Variants in TRAK2 observed in about 807,000 individuals in gnomAD.
TRAK2 encodes the protein trafficking kinesin protein 2.
A neutral mutation model predicts 104.6 loss-of-function variants in TRAK2; 81 were observed. The observed-to-expected ratio is 0.77, with a 90% CI of 0.65 to 0.93. TRAK2 has a LOEUF of 0.93. TRAK2 is among the 40% of genes least tolerant of loss of function. The pLI is 0.00. For synonymous variants in TRAK2, 406 were observed against 394.4 expected, an observed-to-expected ratio of 1.03 and a Z score of -0.35; for missense variants, 1,002 against 1,089.0, an observed-to-expected ratio of 0.92 and a Z score of 1.12.
At chr2:201,426,482 G>A (rs761171840) in intron 1 of TRAK2, among the ~76,000 whole-genome samples, 2 of 152,144 alleles carry the variant, frequency 1.3e-5, no homozygotes, top group Non-Finnish European at 2.9e-5. Flanking sequence ...AATGTAAAGC[G>A]CTTGAATCAT....
intron 2 of TRAK2, among the ~76,000 whole-genome samples, chr2:201,414,622 C>T (rs1257297509): frequency 6.6e-6 from 1 of 152,102 alleles, no homozygotes; most frequent in Non-Finnish European, 1.5e-5. Flanking sequence ...GATTTAAAAC[C>T]TTAAATATGG....
chr2:201,391,394 G>A (rs1951447047), intron 10 of TRAK2, among the ~76,000 whole-genome samples: 1 of 152,158 alleles, frequency 6.6e-6, no homozygotes, highest in Non-Finnish European at 1.5e-5. Flanking sequence ...ATTAATAAAT[G>A]TTGAAAAATG....
chr2:201,423,368 T>C (rs141203858), intron 1 of TRAK2: 2 of 152,170 alleles, frequency 1.3e-5, no homozygotes, highest in South Asian at 4.1e-4. Context: ...CATGATTCCA[T>C]TTATATAAAA....
Position 201,420,414 on chromosome 2 carries a change from T to TA in TRAK2, c.91+2dup. 2 of 1,613,022 alleles carry TA rather than the reference T, an allele frequency of 1.2e-6. No individual in the cohort carries two copies. The highest frequency in any genetic ancestry group is 1.7e-6 in the Non-Finnish European group (2 of 1,179,110). On this transcript the variant is annotated splice_region_variant and intron_variant, in intron 2 of 15. Transcript: ENST00000332624. ...ACTTCAATATTTATTAAACTGGACT[T>TA]ACCAGTGATGCTCTCCGAGTCTCTG...
At chr2:201,444,975 C>CT (rs34447253) in intron 1 of TRAK2, among the ~76,000 whole-genome samples, 1 of 152,138 alleles carries the variant, frequency 6.6e-6, no homozygotes, top group East Asian at 1.9e-4. Context: ...TCATTCCTTC[C>CT]TTTTTTGTGA....
At chr2:201,395,716 TTTTC>T (rs977204876) in intron 7 of TRAK2, among the ~76,000 whole-genome samples, 2 of 152,188 alleles carry the variant, frequency 1.3e-5, no homozygotes, top group African/African-American at 4.8e-5. Flanking sequence ...GCTTCAATCG[TTTTC>T]TTTATGAAAA....
chr2:201,395,781 G>A (rs568664530), intron 7 of TRAK2, among the ~76,000 whole-genome samples: 21 of 152,172 alleles, frequency 1.4e-4, no homozygotes, highest in African/African-American at 4.1e-4. Context: ...CTGAAAGGAG[G>A]GCAAGTGCAA....
At position 201,387,976 on chromosome 2, in the gene TRAK2, C is replaced by G; in HGVS notation, c.1423G>C (p.Gly475Arg). 1 of 1,614,094 alleles carries G rather than the reference C, an allele frequency of 6.2e-7. No homozygotes were observed. ...AGSSQKMGQP[G>R]PSGDSDLATA... ...GCCAAATCACTATCTCCTGAGGGTC[C>G]TGGTTGGCCCATCTTCTGGGAGCTC... Residue 475 changes from glycine (G) to arginine (R), a missense_variant, in exon 13 of 16, where the codon GGA becomes CGA. Transcript: ENST00000332624.
chr2:201,441,778 G>A (rs1051166587), intron 1 of TRAK2, among the ~76,000 whole-genome samples: 6 of 149,942 alleles, frequency 4.0e-5, no homozygotes, highest in Admixed American at 6.7e-5. Flanking sequence ...TGCAACCTCC[G>A]TCTCCCGGGT....
intron 2 of TRAK2, among the ~76,000 whole-genome samples, chr2:201,416,360 C>T (rs1429661410): frequency 2.0e-5 from 3 of 151,680 alleles, no homozygotes; most frequent in Admixed American, 6.6e-5. Flanking sequence ...GAGCCATGAT[C>T]GTGTCACTGT....
At chr2:201,410,672 T>C (rs550135648) in intron 2 of TRAK2, 2 of 1,294,198 alleles carry the variant, frequency 1.5e-6, no homozygotes, top group East Asian at 2.3e-5. Flanking sequence ...TGTCCTATCA[T>C]GTTCATCTGT....
At chr2:201,411,081 G>C (rs1951642351) in intron 2 of TRAK2, 1 of 1,147,066 alleles carries the variant, frequency 8.7e-7, no homozygotes, top group Non-Finnish European at 1.3e-6. Flanking sequence ...AATGCCCATG[G>C]AAGGAACAGA....
chr2:201,445,091 C>T (rs1951954219), intron 1 of TRAK2, among the ~76,000 whole-genome samples: 1 of 152,148 alleles, frequency 6.6e-6, no homozygotes, highest in African/African-American at 2.4e-5. Flanking sequence ...AAAATGAATT[C>T]GTTCCACTGC....
rs1419653304 is a variant in TRAK2, at chr2:201,386,118, T to C, written c.1963+100A>G. 6 of 1,269,978 alleles carry C rather than the reference T, an allele frequency of 4.7e-6. No homozygotes were observed. The East Asian group carries it at 1.2e-4, about 25-fold the overall frequency. The allele number at this position is 1,269,978 out of a possible 1,614,324, so 78.7% of individuals were successfully genotyped here. A position where few individuals can be genotyped will look rare whatever the true frequency, so the allele number is the denominator to read the frequency against. On this transcript the variant is annotated intron_variant, in intron 14 of 15. Coordinates refer to ENST00000332624, the MANE Select transcript of TRAK2 (RefSeq NM_015049.3). Reference sequence around the variant, plus strand: ...TCATTATCTGATATGCAAGATTAAGTACCCTCCAGTGAGCAGAGGTAGCCA... The same window carrying C: ...TCATTATCTGATATGCAAGATTAAGCACCCTCCAGTGAGCAGAGGTAGCCA...
intron 2 of TRAK2, chr2:201,413,135 C>A (rs1951662607): frequency 1.5e-6 from 2 of 1,372,778 alleles, no homozygotes; most frequent in East Asian, 4.6e-5. Flanking sequence ...ACAGCCACTG[C>A]TTTGTTGACT....
In TRAK2 at chr2:201,386,325, G is replaced by A; in HGVS notation, c.1856C>T (p.Thr619Ile). Residue 619 changes from threonine (T) to isoleucine (I), a missense_variant, in exon 14 of 16, where the codon ACT (threonine) becomes ATT (isoleucine). Transcript: ENST00000332624. The stretch of plus-strand genomic sequence containing the variant: ...TTCAAGAGGTTGCTGAACCTGAAAA[G>A]TAATACCCTCCTCTTCATCCTCTTC... ...DLEEDEEEGI[T>I]FQVQQPLEVE... 2.5e-6 allele frequency: 4 copies of A among 1,614,166 alleles called. No homozygotes were observed. Among genetic ancestry groups the A allele is most frequent in the Non-Finnish European group, 1.7e-6 (2 of 1,180,030 alleles).
At chr2:201,405,043 C>T (rs1447878087) in intron 3 of TRAK2, among the ~76,000 whole-genome samples, 1 of 152,120 alleles carries the variant, frequency 6.6e-6, no homozygotes, top group East Asian at 1.9e-4. Flanking sequence ...CTCAATTCTC[C>T]CAAGAATTGT....
rs530556121 is a variant in TRAK2 at position 201,431,479 on chromosome 2, C to T, written c.-199-10773G>A. Among the ~76,000 whole-genome samples the T allele has an allele frequency of 2.3e-3, 345 of 152,314 alleles. 1 individual carries two copies. The highest frequency in any genetic ancestry group is 7.8e-3 in the African/African-American group (325 of 41,564). On this transcript the variant is annotated intron_variant, in intron 1 of 15. Coordinates refer to ENST00000332624, the MANE Select transcript of TRAK2 (RefSeq NM_015049.3). ...AGTTGTATTACTTGGCTCAGGGTTT[C>T]TTCCACCATCTTCTATGCCAGCTGC...
At chr2:201,409,114 C>T (rs1951621795) in intron 2 of TRAK2, among the ~76,000 whole-genome samples, 3 of 152,178 alleles carry the variant, frequency 2.0e-5, no homozygotes, top group African/African-American at 7.2e-5. Flanking sequence ...CACAATGTGA[C>T]ACTGGGTAAG....
Sources: allele counts gnomAD v4.1 joint callset (sites outside exome capture counted in the v4.1 genomes callset), GRCh38; gene constraint gnomAD v4.1.1; transcripts MANE v1.5; gene names NCBI Gene and HGNC (gene_info 2026-07-23, HGNC 2026-07-21).